ATP8A2: variants seen among roughly 807,000 people sequenced by gnomAD.
The protein encoded by ATP8A2 is phospholipid-transporting ATPase IB.
In ATP8A2, 100 loss-of-function variants were observed where a neutral mutation model predicts 165.6. The ratio of observed to expected loss-of-function variants is 0.60; its 90% CI spans 0.51 to 0.71. The LOEUF is 0.71. Among genes scored for constraint, ATP8A2 ranks in the 30% least tolerant of loss-of-function variants. The pLI is 0.00. For missense variants in ATP8A2, 1,227 were observed against 1,479.5 expected, an observed-to-expected ratio of 0.83 and a Z score of 2.80; for synonymous variants, 543 against 548.8, an observed-to-expected ratio of 0.99 and a Z score of 0.15.
intron 1 of ATP8A2, among the ~76,000 whole-genome samples, chr13:25,381,962 C>T (rs775249101): frequency 6.6e-6 from 1 of 152,154 alleles, no homozygotes; most frequent in Non-Finnish European, 1.5e-5. Context: ...AGCACCATAG[C>T]GTCACACCAT....
intron 1 of ATP8A2, among the ~76,000 whole-genome samples, chr13:25,374,566 G>T (rs1003469397): frequency 2.0e-5 from 3 of 152,190 alleles, no homozygotes; most frequent in African/African-American, 7.2e-5. Context: ...GGAAGGCAGT[G>T]ATCTGAGAGT....
chr13:25,985,532 C>T (rs768527827), intron 35 of ATP8A2, among the ~76,000 whole-genome samples: 22 of 152,194 alleles, frequency 1.4e-4, no homozygotes, highest in Non-Finnish European at 2.8e-4. Flanking sequence ...TTAATTTGAA[C>T]GTCCCGCTGG....
chr13:25,678,994 A>G (rs1411765565), intron 24 of ATP8A2, among the ~76,000 whole-genome samples: 1 of 152,212 alleles, frequency 6.6e-6, no homozygotes, highest in Non-Finnish European at 1.5e-5. Flanking sequence ...GTTAATGACA[A>G]CATGAATCAA....
In ATP8A2 at chr13:25,404,864, A is replaced by G. The variant is rs145536056; in HGVS notation, c.76+32576A>G. ...GGAACTGATGTTCTAGTGATGGAAG[A>G]GTAGCCCTGGGAACAGGGGAGGCGA... On this transcript the variant is annotated intron_variant, in intron 1 of 36. Transcript: ENST00000381655. Among the ~76,000 whole-genome samples the G allele has an allele frequency of 5.6e-3, 849 of 152,144 alleles. 8 individuals carry two copies. Among genetic ancestry groups the G allele is most frequent in the African/African-American group, 0.019 (802 of 41,512 alleles).
intron 24 of ATP8A2, among the ~76,000 whole-genome samples, chr13:25,697,669 A>C (rs1050335868): frequency 3.6e-4 from 55 of 152,348 alleles, no homozygotes; most frequent in African/African-American, 1.2e-3. Flanking sequence ...TCCCGTGCTA[A>C]ATAATTTACG....
At chr13:25,404,578 G>A (rs1248453716) in intron 1 of ATP8A2, among the ~76,000 whole-genome samples, 6 of 152,126 alleles carry the variant, frequency 3.9e-5, no homozygotes, top group Non-Finnish European at 8.8e-5. Flanking sequence ...GGCAGTGGAT[G>A]TGCATCTGAG....
chr13:25,761,346 TAGTC>T (rs1260741399), intron 25 of ATP8A2, among the ~76,000 whole-genome samples: 1 of 152,212 alleles, frequency 6.6e-6, no homozygotes, highest in Non-Finnish European at 1.5e-5. Context: ...TTTGTCATAT[TAGTC>T]AGTCAGCAAG....
intron 24 of ATP8A2, among the ~76,000 whole-genome samples, chr13:25,595,873 C>G (rs1223077119): frequency 6.6e-6 from 1 of 152,040 alleles, no homozygotes; most frequent in African/African-American, 2.4e-5. Flanking sequence ...ATTTGAAGGT[C>G]AAGGGATTTG....
intron 10 of ATP8A2, 148 bp downstream of exon 10, chr13:25,543,550 G>A (rs1485375814): frequency 3.8e-6 from 2 of 532,316 alleles, no homozygotes; most frequent in East Asian, 2.8e-5. Context: ...TAGTTTCTTA[G>A]GTAGCTTTTT....
chr13:25,633,121 G>A (rs1565997388), intron 24 of ATP8A2, among the ~76,000 whole-genome samples: 1 of 152,208 alleles, frequency 6.6e-6, no homozygotes, highest in Non-Finnish European at 1.5e-5. Context: ...AGCACAGAAA[G>A]ATGCAGTCAG....
At chr13:25,874,239 C>T (rs1181194273) in intron 33 of ATP8A2, among the ~76,000 whole-genome samples, 2 of 152,186 alleles carry the variant, frequency 1.3e-5, no homozygotes, top group African/African-American at 4.8e-5. Context: ...ACACTGGTGG[C>T]TTCCCACTTC....
At chr13:25,958,342 C>T (rs955238138) in intron 33 of ATP8A2, among the ~76,000 whole-genome samples, 14 of 152,036 alleles carry the variant, frequency 9.2e-5, no homozygotes, top group African/African-American at 9.7e-5. Context: ...TCACCACATT[C>T]GTGGACAGCT....
At chr13:25,468,792 G>A in intron 1 of ATP8A2, 185 bp from the exon 2 acceptor site, 3 of 978,762 alleles carry the variant, frequency 3.1e-6, no homozygotes, top group Non-Finnish European at 3.6e-6. Flanking sequence ...GGGCGGGGCC[G>A]GCCTTGGCTG....
chr13:25,413,256 T>C (rs1381685026), intron 1 of ATP8A2, among the ~76,000 whole-genome samples: 10 of 151,456 alleles, frequency 6.6e-5, no homozygotes, highest in African/African-American at 2.4e-4. Flanking sequence ...AGTCAGACTT[T>C]TTTTTCTTTT....
At chr13:25,738,063 C>T (rs1053538879) in intron 25 of ATP8A2, among the ~76,000 whole-genome samples, 12 of 152,154 alleles carry the variant, frequency 7.9e-5, no homozygotes, top group Admixed American at 1.3e-4. Context: ...AAGACCACGT[C>T]GTACATTAGG....
chr13:25,814,925 C>T (rs187637160), intron 27 of ATP8A2, among the ~76,000 whole-genome samples: 46 of 151,874 alleles, frequency 3.0e-4, no homozygotes, highest in Non-Finnish European at 5.0e-4. Context: ...GGGGATGAGG[C>T]GGGTGCTGAG....
At chr13:25,691,221 A>G (rs993151399) in intron 24 of ATP8A2, among the ~76,000 whole-genome samples, 5 of 152,164 alleles carry the variant, frequency 3.3e-5, no homozygotes, top group Non-Finnish European at 7.3e-5. Context: ...GCATGGAAGG[A>G]GGGAACTTTG....
intron 24 of ATP8A2, among the ~76,000 whole-genome samples, chr13:25,675,512 A>G (rs1260350347): frequency 6.6e-6 from 1 of 152,228 alleles, no homozygotes; most frequent in Admixed American, 6.5e-5. Context: ...TGTAAATAAT[A>G]AGTTTTATCA....
intron 35 of ATP8A2, among the ~76,000 whole-genome samples, chr13:26,011,767 C>G (rs929474678): frequency 6.6e-6 from 1 of 151,986 alleles, no homozygotes; most frequent in African/African-American, 2.4e-5. Flanking sequence ...GGCCCTGTCT[C>G]TGCAAAAAAT....
Sources: gnomAD v4.1 joint callset for allele counts (sites outside exome capture counted in the v4.1 genomes callset) on GRCh38, gnomAD v4.1.1 for gene constraint, MANE v1.5 for transcripts, NCBI Gene and HGNC (gene_info 2026-07-23, HGNC 2026-07-21) for gene names.